LAMA1: variants seen among roughly 807,000 people sequenced by gnomAD.
LAMA1 encodes laminin subunit alpha-1.
A neutral mutation model predicts 348.7 loss-of-function variants in LAMA1; 219 were observed. That is an observed-to-expected ratio of 0.63 (90% CI 0.56 to 0.70). LAMA1 has a LOEUF of 0.70. LAMA1 is among the 30% of genes least tolerant of loss of function. LAMA1 has a pLI of 0.00. For missense variants in LAMA1, 3,744 were observed against 3,888.0 expected, an observed-to-expected ratio of 0.96 and a Z score of 0.99; for synonymous variants, 1,487 against 1,491.0, an observed-to-expected ratio of 1.00 and a Z score of 0.06.
At chr18:7,036,550 T>A (rs1188975129) in intron 12 of LAMA1, among the ~76,000 whole-genome samples, 1 of 152,148 alleles carries the variant, frequency 6.6e-6, no homozygotes, top group Non-Finnish European at 1.5e-5. Context: ...TGTCCTTCAA[T>A]ATAAAATTAA....
intron 17 of LAMA1, 36 bp downstream of exon 17, chr18:7,025,943 T>A (rs754888988): frequency 6.3e-7 from 1 of 1,589,658 alleles, no homozygotes; most frequent in East Asian, 2.3e-5. Flanking sequence ...ATCCTGGCCA[T>A]GCTGGCAGGA....
chr18:7,108,640 C>CAAAAA (rs58802341), intron 1 of LAMA1, among the ~76,000 whole-genome samples: 1,084 of 40,216 alleles, frequency 0.027, 188 homozygotes, highest in Non-Finnish European at 0.032. Flanking sequence ...GACTCTGTCT[C>CAAAAA]AAAAAAAAAA....
intron 34 of LAMA1, among the ~76,000 whole-genome samples, chr18:6,994,326 C>G (rs1237858011): frequency 6.6e-6 from 1 of 152,218 alleles, no homozygotes; most frequent in African/African-American, 2.4e-5. Flanking sequence ...TGACACTTAG[C>G]TGTCCTCAGC....
intron 22 of LAMA1, 122 bp downstream of exon 22, chr18:7,015,600 T>A (rs1600394982): frequency 1.6e-6 from 2 of 1,274,930 alleles, no homozygotes; most frequent in Admixed American, 3.8e-5. Context: ...TTTTTTTTTT[T>A]TTTTAAATTC....
chr18:6,991,942 T>C (rs1160103327), intron 36 of LAMA1, among the ~76,000 whole-genome samples: 1 of 152,246 alleles, frequency 6.6e-6, no homozygotes, highest in Non-Finnish European at 1.5e-5. Flanking sequence ...AAGTATCATG[T>C]AACTATTTAT....
chr18:6,972,907 T>C, intron 47 of LAMA1, 150 bp downstream of exon 47: 1 of 781,246 alleles, frequency 1.3e-6, no homozygotes, highest in East Asian at 2.6e-5. Context: ...GTCAGGCTGG[T>C]CTTGAACTCC....
intron 3 of LAMA1, among the ~76,000 whole-genome samples, chr18:7,073,281 C>T (rs752232963): frequency 5.3e-5 from 8 of 152,138 alleles, no homozygotes; most frequent in Non-Finnish European, 8.8e-5. Flanking sequence ...ATAAAAACCA[C>T]GACTTTAGCC....
intron 48 of LAMA1, among the ~76,000 whole-genome samples, chr18:6,967,860 T>C (rs1045634859): frequency 2.0e-5 from 3 of 152,064 alleles, no homozygotes; most frequent in Non-Finnish European, 2.9e-5. Context: ...TGAGCCCTCC[T>C]CTCTCAAGAA....
chr18:7,042,430 T>G, intron 8 of LAMA1, 180 bp from the exon 9 acceptor site: 1 of 589,418 alleles, frequency 1.7e-6, no homozygotes, highest in East Asian at 3.1e-5. Context: ...AGCCCAAACA[T>G]CTTTTTGATG....
At position 7,008,490 on chromosome 18, in the gene LAMA1, G is replaced by A; in HGVS notation, c.4120C>T (p.Gln1374Ter). 6.2e-7 allele frequency: 1 copy of A among 1,614,012 alleles called. No individual in the cohort carries two copies. Among genetic ancestry groups the A allele is most frequent in the East Asian group, 2.2e-5 (1 of 44,858 alleles). Reference sequence around the variant, plus strand: ...GATTTCGACTAGAGTCTCCGTACCTGACATGAGAATCCCACAGTGCCAGGA... The same window carrying A: ...GATTTCGACTAGAGTCTCCGTACCTAACATGAGAATCCCACAGTGCCAGGA... ...CPPGTVGFSC[Q>*]DCAPGYHRGK... The change falls in exon 28 of 63, where the codon CAG becomes TAG. Residue 1374 changes from glutamine (Q) to a stop codon, truncating the protein, a stop_gained and splice_region_variant. Coordinates refer to ENST00000389658, the MANE Select transcript of LAMA1 (RefSeq NM_005559.4). LOFTEE classifies it high-confidence loss of function.
rs933207253 is a variant in LAMA1, at chr18:7,079,996, T to C, written c.324A>G (p.Thr108=). 1.2e-6 allele frequency: 2 copies of C among 1,613,768 alleles called. No homozygotes were observed. The highest frequency in any genetic ancestry group is 1.7e-6 in the Non-Finnish European group (2 of 1,179,714). Residue 108 remains threonine, a synonymous_variant, in exon 3 of 63, where the codon ACA becomes ACG. Transcript: ENST00000389658. ...CTACCTGTCTTAAGTCCAGAGTGAT[T>C]GTGACCCAGTGATATTCTCTCCCAT... ...IQNGREYHWV[T]ITLDLRQVFQ...
intron 13 of LAMA1, 85 bp from the exon 14 acceptor site, chr18:7,034,775 C>T (rs1484259795): frequency 1.1e-5 from 15 of 1,327,416 alleles, no homozygotes; most frequent in East Asian, 2.5e-5. Flanking sequence ...TATTCAGCAA[C>T]GTGGTTTTTC....
chr18:6,955,439 C>T lies in LAMA1; in HGVS notation c.8121G>A (p.Leu2707=), dbSNP rs143844687. The change falls in exon 57 of 63, where the codon CTG becomes CTA. Residue 2707 remains leucine, a synonymous_variant. Transcript: ENST00000389658. ...ACTGGTGAGCGCCGGGAACGTACTC[C>T]AGAGCTGCATCCACCACACACTGTT... The part of the protein sequence containing the change: ...FPEQCVVDAA[L]EYVPGAHQFG... The T allele has an allele frequency of 5.0e-6, 8 of 1,614,094 alleles. No homozygotes were observed. The African/African-American group carries it at 9.3e-5, about 19-fold the overall frequency.
At chr18:7,102,946 G>A (rs1490730536) in intron 1 of LAMA1, among the ~76,000 whole-genome samples, 2 of 152,290 alleles carry the variant, frequency 1.3e-5, no homozygotes, top group East Asian at 1.9e-4. Context: ...TGCATTGATT[G>A]GGTAGATGAG....
At position 7,043,739 on chromosome 18, in the gene LAMA1, C is replaced by T. The variant is rs184779351; in HGVS notation, c.977-334G>A. On this transcript the variant is annotated intron_variant, in intron 7 of 62. Coordinates refer to ENST00000389658, the MANE Select transcript of LAMA1 (RefSeq NM_005559.4). ...GACTAATAACCATCAAAATAACCGC[C>T]GATAGGTGGTTGTTTAATAAATTAT... Among the ~76,000 whole-genome samples the T allele has an allele frequency of 2.3e-4, 35 of 152,032 alleles. No individual in the cohort carries two copies. In the East Asian group the frequency reaches 5.4e-3, roughly 24 times the overall value.
chr18:7,076,328 C>A (rs1329695242), intron 3 of LAMA1, among the ~76,000 whole-genome samples: 1 of 152,190 alleles, frequency 6.6e-6, no homozygotes, highest in African/African-American at 2.4e-5. Flanking sequence ...TTTAGCACCA[C>A]TACTAGTGGG....
chr18:7,037,523 C>T (rs2058000570), intron 12 of LAMA1, 55 bp downstream of exon 12: 1 of 1,602,764 alleles, frequency 6.2e-7, no homozygotes. Flanking sequence ...AGTTCTTTCT[C>T]AGTGTTCCCT....
chr18:7,009,335 T>C lies in LAMA1; in HGVS notation c.3905A>G (p.Glu1302Gly). 1 of 1,614,150 alleles carries C rather than the reference T, an allele frequency of 6.2e-7. No homozygotes were observed. Among genetic ancestry groups the C allele is most frequent in the Non-Finnish European group, 8.5e-7 (1 of 1,180,012 alleles). ...AAAATCCTCTCGCGTGACAGGTTTT[T>C]CAGAAACAGAGTTAAAATATTTCCA... ...NFWKYFNSVSEKPVTREDFMS... is the reference protein window; with the variant it reads ...NFWKYFNSVSGKPVTREDFMS... Residue 1302 changes from glutamate to glycine, a missense_variant, in exon 27 of 63, where the codon GAA becomes GGA. Transcript: ENST00000389658.
intron 3 of LAMA1, among the ~76,000 whole-genome samples, chr18:7,067,350 C>T (rs377531114): frequency 1.3e-5 from 2 of 151,866 alleles, no homozygotes; most frequent in East Asian, 3.9e-4. Context: ...GCCACTCATA[C>T]AAGCAATGGC....
Sources: allele counts gnomAD v4.1 joint callset (sites outside exome capture counted in the v4.1 genomes callset), GRCh38; gene constraint gnomAD v4.1.1; transcripts MANE v1.5; gene names NCBI Gene and HGNC (gene_info 2026-07-23, HGNC 2026-07-21).